The following ADGRB3 variants were observed in gnomAD, a reference collection of about 807,000 sequenced individuals.
ADGRB3 encodes brain-specific angiogenesis inhibitor 3.
In ADGRB3, 37 loss-of-function variants were observed where a neutral mutation model predicts 193.4. The ratio of observed to expected loss-of-function variants is 0.19; its 90% CI spans 0.15 to 0.25. ADGRB3 has a LOEUF of 0.25. ADGRB3 is among the 10% of genes least tolerant of loss of function. The pLI is 1.00. For synonymous variants in ADGRB3, 690 were observed against 644.2 expected (o/e 1.07, Z -1.08); for missense variants, 1,637 against 1,852.9 (o/e 0.88, Z 2.14).
At chr6:69,063,122 T>C in intron 16 of ADGRB3, 86 bp downstream of exon 16, 3 of 971,738 alleles carry the variant, frequency 3.1e-6, no homozygotes, top group Non-Finnish European at 4.8e-6. Flanking sequence ...CAGAATACAT[T>C]TTCTAGACTT....
In ADGRB3 at chr6:69,048,169, A is replaced by G; in HGVS notation, c.2108-16A>G. The G allele has an allele frequency of 1.9e-6, 3 of 1,603,942 alleles. No individual in the cohort carries two copies. Among genetic ancestry groups the G allele is most frequent in the East Asian group, 2.2e-5 (1 of 44,714 alleles). Reference sequence around the variant, plus strand: ...TAAAGCAAGTTTAATTGAAATTATTATTTCTTTTTTAATAGTGGCTAGTAT... The same window carrying G: ...TAAAGCAAGTTTAATTGAAATTATTGTTTCTTTTTTAATAGTGGCTAGTAT... On this transcript the variant is annotated splice_polypyrimidine_tract_variant and intron_variant, in intron 13 of 31. Coordinates refer to ENST00000370598, the MANE Select transcript of ADGRB3 (RefSeq NM_001704.3).
At chr6:68,968,124 TA>T (rs3839457) in intron 8 of ADGRB3, among the ~76,000 whole-genome samples, 44,506 of 150,416 alleles carry the variant, frequency 0.3, 6,947 homozygotes, top group Middle Eastern at 0.41. Flanking sequence ...CTATTTGCCT[TA>T]AAAAAAAAAT....
intron 3 of ADGRB3, among the ~76,000 whole-genome samples, chr6:68,886,188 T>C (rs965002333): frequency 5.3e-5 from 8 of 152,136 alleles, no homozygotes; most frequent in Admixed American, 5.2e-4. Context: ...TGTTGTCAAA[T>C]TCTGGTATTT....
In ADGRB3 at chr6:69,221,687, T is replaced by G. The variant is rs1042125045; in HGVS notation, c.2481-11603T>G. ...TACTAGTTTTGTGGAATTTCGTATA[T>G]GGTTCTTTTTAACTATACTTCTCAG... On this transcript the variant is annotated intron_variant, in intron 17 of 31. Coordinates refer to ENST00000370598, the MANE Select transcript of ADGRB3 (RefSeq NM_001704.3). 2.6e-5 allele frequency among the ~76,000 whole-genome samples: 4 copies of G among 152,298 alleles called. No homozygotes were observed. In the South Asian group the frequency reaches 6.2e-4, roughly 24 times the overall value.
chr6:68,707,478 A>G (rs1188714057), intron 3 of ADGRB3, among the ~76,000 whole-genome samples: 1 of 152,206 alleles, frequency 6.6e-6, no homozygotes, highest in African/African-American at 2.4e-5. Flanking sequence ...TTATTAGTAT[A>G]AAATTATAGC....
intron 3 of ADGRB3, among the ~76,000 whole-genome samples, chr6:68,820,715 T>C (rs1038510973): frequency 6.6e-6 from 1 of 152,050 alleles, no homozygotes; most frequent in Non-Finnish European, 1.5e-5. Context: ...TTTTAGTTTT[T>C]AGCTCCCACA....
intron 13 of ADGRB3, among the ~76,000 whole-genome samples, chr6:69,029,184 T>G (rs183418041): frequency 6.6e-6 from 1 of 152,354 alleles, no homozygotes; most frequent in Admixed American, 6.5e-5. Context: ...GAAATCATAC[T>G]CATCTGTTCT....
At chr6:68,987,103 G>T (rs1769100060) in intron 10 of ADGRB3, among the ~76,000 whole-genome samples, 1 of 151,974 alleles carries the variant, frequency 6.6e-6, no homozygotes, top group Non-Finnish European at 1.5e-5. Context: ...TTTAAGACTT[G>T]TCCTTTGGAG....
intron 20 of ADGRB3, among the ~76,000 whole-genome samples, chr6:69,314,810 G>A (rs1486614219): frequency 6.6e-6 from 1 of 151,370 alleles, no homozygotes; most frequent in Non-Finnish European, 1.5e-5. Flanking sequence ...AATAACAAAA[G>A]GCTTCTGATT....
chr6:69,059,371 T>G (rs1484148312), intron 15 of ADGRB3, among the ~76,000 whole-genome samples: 2 of 152,178 alleles, frequency 1.3e-5, no homozygotes, highest in African/African-American at 4.8e-5. Flanking sequence ...GAGTCTGTTG[T>G]AGACAACTGA....
chr6:68,989,255 A>G (rs186614803), intron 10 of ADGRB3, among the ~76,000 whole-genome samples: 91 of 152,310 alleles, frequency 6.0e-4, no homozygotes, highest in African/African-American at 1.9e-3. Context: ...TCGTTAAGAC[A>G]TGAAAGAACA....
At chr6:69,353,209 G>A (rs1206028923) in intron 26 of ADGRB3, among the ~76,000 whole-genome samples, 2 of 152,172 alleles carry the variant, frequency 1.3e-5, no homozygotes, top group African/African-American at 4.8e-5. Context: ...TCCTTGACTT[G>A]TTTTTTAACA....
At chr6:69,022,942 G>A (rs1282548055) in intron 13 of ADGRB3, among the ~76,000 whole-genome samples, 5 of 151,918 alleles carry the variant, frequency 3.3e-5, no homozygotes, top group African/African-American at 1.2e-4. Flanking sequence ...TATATTTTCA[G>A]TTATATATTT....
At chr6:69,150,379 C>T (rs1582500608) in intron 17 of ADGRB3, among the ~76,000 whole-genome samples, 2 of 152,314 alleles carry the variant, frequency 1.3e-5, no homozygotes, top group Non-Finnish European at 1.5e-5. Context: ...TCTTTCCCCA[C>T]AAACACCACT....
rs62416450 is a variant in ADGRB3 at position 68,935,636 on chromosome 6, T to C, written c.869-883T>C. Among the ~76,000 whole-genome samples the C allele has an allele frequency of 3.2e-3, 490 of 152,268 alleles. 1 individual carries two copies. The highest frequency in any genetic ancestry group is 5.9e-3 in the Non-Finnish European group (402 of 68,010). The stretch of plus-strand genomic sequence containing the variant: ...GAGAAAACAACTGCAAATTTTCCAA[T>C]CAATTTTTAAAATTCATCCTGAACA... On this transcript the variant is annotated intron_variant, in intron 4 of 31. Transcript: ENST00000370598.
At chr6:69,049,178 T>C (rs1771322347) in intron 14 of ADGRB3, 93 bp from the exon 15 acceptor site, 2 of 881,056 alleles carry the variant, frequency 2.3e-6, no homozygotes, top group Non-Finnish European at 3.5e-6. Flanking sequence ...CCTAAGGAAG[T>C]ACTGGAATTA....
chr6:68,898,269 T>C (rs1766295953), intron 3 of ADGRB3, among the ~76,000 whole-genome samples: 1 of 151,964 alleles, frequency 6.6e-6, no homozygotes, highest in South Asian at 2.1e-4. Context: ...TGGATGGATG[T>C]CCTAGCTCCA....
At chr6:69,312,812 A>G (rs569141935) in intron 20 of ADGRB3, among the ~76,000 whole-genome samples, 1 of 151,910 alleles carries the variant, frequency 6.6e-6, no homozygotes, top group African/African-American at 2.4e-5. Flanking sequence ...TACACACATG[A>G]ATGCATAGCA....
At chr6:69,265,612 G>T (rs982847477) in intron 20 of ADGRB3, among the ~76,000 whole-genome samples, 2 of 151,928 alleles carry the variant, frequency 1.3e-5, no homozygotes, top group Admixed American at 1.3e-4. Context: ...CAAAAATAAA[G>T]AAATAATTTT....
Sources: gnomAD v4.1 joint callset for allele counts (sites outside exome capture counted in the v4.1 genomes callset) on GRCh38, gnomAD v4.1.1 for gene constraint, MANE v1.5 for transcripts, NCBI Gene and HGNC (gene_info 2026-07-23, HGNC 2026-07-21) for gene names.